Variants in ATP11A observed in about 807,000 individuals in gnomAD.
ATP11A encodes the protein ATPase phospholipid transporting 11A.
In ATP11A, 81 loss-of-function variants were observed where a neutral mutation model predicts 154.4. That is an observed-to-expected ratio of 0.52 (90% CI 0.44 to 0.63). The LOEUF (loss-of-function observed/expected upper bound fraction) is 0.63, where lower values mean the gene tolerates loss of function less well. ATP11A is among the 30% of genes least tolerant of loss of function. The pLI is 0.00. For missense variants in ATP11A, 1,316 were observed against 1,474.3 expected (o/e 0.89, Z 1.76); for synonymous variants, 623 against 585.9 (o/e 1.06, Z -0.91).
At chr13:112,854,152 G>A in intron 18 of ATP11A, 127 bp from the exon 19 acceptor site, 1 of 1,258,180 alleles carries the variant, frequency 7.9e-7, no homozygotes, top group South Asian at 1.4e-5. Flanking sequence ...GAGCCACAGT[G>A]TGGAGTGTTT....
chr13:112,701,621 G>A (rs1009841336), intron 1 of ATP11A, among the ~76,000 whole-genome samples: 35 of 151,160 alleles, frequency 2.3e-4, no homozygotes, highest in African/African-American at 7.5e-4. Context: ...TCACGAGGTC[G>A]GGAGATCGAG....
At position 112,878,272 on chromosome 13, in the gene ATP11A, C is replaced by T. The variant is rs1442641246; in HGVS notation, c.3383C>T (p.Thr1128Ile). 1 of 1,614,220 alleles carries T rather than the reference C, an allele frequency of 6.2e-7. No individual in the cohort carries two copies. The highest frequency in any genetic ancestry group is 8.5e-7 in the Non-Finnish European group (1 of 1,180,044). ...TCAACCATCTTTATGCTTTCTCAGACTTCCAGCAGCCTGAGTTTCTGATGG... is the reference window on the plus strand; with the variant it reads ...TCAACCATCTTTATGCTTTCTCAGATTTCCAGCAGCCTGAGTTTCTGATGG... ...EQSTIFMLSQ[T>I]SSSLSF The change falls in exon 29 of 30, where the codon ACT (threonine) becomes ATT (isoleucine). Residue 1128 changes from threonine to isoleucine, a missense_variant. Thr to Ile is a moderately conservative substitution (Grantham distance 89). This residue lies in a region of ATP11A where 294 missense variants were observed against 290.2 expected (regional missense o/e 1.01). Coordinates refer to ENST00000375645, the MANE Select transcript of ATP11A (RefSeq NM_015205.3).
At chr13:112,759,313 A>G (rs1263612733) in intron 1 of ATP11A, among the ~76,000 whole-genome samples, 1 of 152,216 alleles carries the variant, frequency 6.6e-6, no homozygotes, top group Non-Finnish European at 1.5e-5. Flanking sequence ...GCTCTGAAGC[A>G]GAGGCTCTCA....
Position 112,819,782 on chromosome 13 carries a change from C to T in ATP11A, c.675-118C>T, listed in dbSNP as rs17121722. 1.6e-3 allele frequency: 1,650 copies of T among 1,051,382 alleles called. 13 individuals carry two copies. In the African/African-American group the frequency reaches 0.021, roughly 13 times the overall value. 65.1% of individuals were successfully genotyped at this position (1,051,382 alleles called of 1,614,324 possible). A position where few individuals can be genotyped will look rare whatever the true frequency, so the allele number is the denominator to read the frequency against. ...GGGGCTGGAGCGGGGCTGCTTTAGC[C>T]GCACACGGAGCGGGCCAGGTGAAGA... On this transcript the variant is annotated intron_variant, in intron 7 of 29. Transcript: ENST00000375645.
intron 1 of ATP11A, among the ~76,000 whole-genome samples, chr13:112,713,381 C>A (rs1887986194): frequency 6.6e-6 from 1 of 152,072 alleles, no homozygotes; most frequent in Non-Finnish European, 1.5e-5. Context: ...GGTGACAGAG[C>A]AAGACTCCGT....
intron 6 of ATP11A, among the ~76,000 whole-genome samples, chr13:112,816,912 A>G (rs2078661460): frequency 6.6e-6 from 1 of 152,176 alleles, no homozygotes; most frequent in Non-Finnish European, 1.5e-5. Flanking sequence ...TAGTGTGAAA[A>G]CTGGCCTAGA....
rs1385079663 is a variant in ATP11A at position 112,860,423 on chromosome 13, C to T, written c.2855+9C>T. The T allele has an allele frequency of 1.2e-6, 2 of 1,613,866 alleles. No individual in the cohort carries two copies. The highest frequency in any genetic ancestry group is 1.7e-6 in the Non-Finnish European group (2 of 1,179,940). On this transcript the variant is annotated intron_variant, in intron 24 of 29. Transcript: ENST00000375645. ...GACCCGACCCTGTACAGGTACCATCCTCCAAACAGCCTCTCCTGAGAGCAG... is the reference window on the plus strand; with the variant it reads ...GACCCGACCCTGTACAGGTACCATCTTCCAAACAGCCTCTCCTGAGAGCAG...
chr13:112,693,855 G>C (rs1293432957), intron 1 of ATP11A, among the ~76,000 whole-genome samples: 1 of 152,190 alleles, frequency 6.6e-6, no homozygotes, highest in Non-Finnish European at 1.5e-5. Flanking sequence ...AGAAGGCTGA[G>C]GCAGGAGAAT....
intron 25 of ATP11A, among the ~76,000 whole-genome samples, chr13:112,867,397 C>G (rs1556812): frequency 0.24 from 36,567 of 152,096 alleles, 4,706 homozygotes; most frequent in African/African-American, 0.29. Flanking sequence ...TGAATGTGAA[C>G]GTGCCTCCCA....
chr13:112,760,809 G>A (rs2076945376), intron 1 of ATP11A, among the ~76,000 whole-genome samples: 2 of 152,152 alleles, frequency 1.3e-5, no homozygotes, highest in Non-Finnish European at 2.9e-5. Context: ...ACAGTGGCCC[G>A]GGAAGAATCA....
At chr13:112,728,129 A>G (rs900709312) in intron 1 of ATP11A, among the ~76,000 whole-genome samples, 2 of 152,230 alleles carry the variant, frequency 1.3e-5, no homozygotes, top group African/African-American at 4.8e-5. Context: ...GAAAAAGGCC[A>G]CAGAGAAAAT....
At chr13:112,724,118 C>T (rs1186151414) in intron 1 of ATP11A, among the ~76,000 whole-genome samples, 2 of 134,486 alleles carry the variant, frequency 1.5e-5, no homozygotes, top group Non-Finnish European at 3.2e-5. Flanking sequence ...CCCTTCGCCC[C>T]CTTCTCCCCC....
chr13:112,699,556 GTA>G (rs1566344995), intron 1 of ATP11A, among the ~76,000 whole-genome samples: 1 of 152,238 alleles, frequency 6.6e-6, no homozygotes, highest in African/African-American at 2.4e-5. Context: ...ACTCTGCACC[GTA>G]TAGTGTGTGT....
chr13:112,817,243 A>G (rs1280535735), intron 6 of ATP11A, among the ~76,000 whole-genome samples: 2 of 152,376 alleles, frequency 1.3e-5, no homozygotes, highest in African/African-American at 2.4e-5. Context: ...AATGGTATTT[A>G]GGTAATACGT....
chr13:112,771,512 T>C (rs1269670498), intron 1 of ATP11A, among the ~76,000 whole-genome samples: 2 of 152,216 alleles, frequency 1.3e-5, no homozygotes, highest in East Asian at 3.8e-4. Flanking sequence ...AATCTCTTTT[T>C]TTTCTAGTTT....
In ATP11A at chr13:112,859,311, A is replaced by G; in HGVS notation, c.2668-82A>G. 3.6e-6 allele frequency: 4 copies of G among 1,115,334 alleles called. No individual in the cohort carries two copies. In the South Asian group the frequency reaches 3.7e-5, roughly 10 times the overall value. The allele number at this position is 1,115,334 out of a possible 1,614,324, so 69.1% of individuals were successfully genotyped here. Reference sequence around the variant, plus strand: ...TGGGTGCACGTGGATCCCTCCTCCCATGTGGGGTGGGCCACGTCGGTAGGT... The same window carrying G: ...TGGGTGCACGTGGATCCCTCCTCCCGTGTGGGGTGGGCCACGTCGGTAGGT... On this transcript the variant is annotated intron_variant, in intron 22 of 29. Transcript: ENST00000375645. The surrounding 1 kb of genome is among the most constrained non-coding windows in gnomAD (Gnocchi z 4.3).
chr13:112,873,555 T>TG lies in ATP11A; in HGVS notation c.3058-18_3058-17insG, dbSNP rs759733319. On this transcript the variant is annotated splice_polypyrimidine_tract_variant and intron_variant, in intron 26 of 29. Coordinates refer to ENST00000375645, the MANE Select transcript of ATP11A (RefSeq NM_015205.3). ...GCTCAGATGACACCGTTAACTGCCC[T>TG]TTTTTTTTTCCTTTTAGCTTGCATT... 1 of 1,257,742 alleles carries TG rather than the reference T, an allele frequency of 8.0e-7. No individual in the cohort carries two copies. The highest frequency in any genetic ancestry group is 1.6e-5 in the South Asian group (1 of 64,416). 77.9% of individuals were successfully genotyped at this position (1,257,742 alleles called of 1,614,324 possible). A position where few individuals can be genotyped will look rare whatever the true frequency, so the allele number is the denominator to read the frequency against.
rs1046328410 is a variant in ATP11A at position 112,754,176 on chromosome 13, C to A, written c.40-30959C>A. Reference sequence around the variant, plus strand: ...GCTGCTGAGATGTGAGAAAGGCCTGCGCTGGGGTCTGGGAAATTCGTTTTC... The same window carrying A: ...GCTGCTGAGATGTGAGAAAGGCCTGAGCTGGGGTCTGGGAAATTCGTTTTC... On this transcript the variant is annotated intron_variant, in intron 1 of 29. Coordinates refer to ENST00000375645, the MANE Select transcript of ATP11A (RefSeq NM_015205.3). The surrounding 1 kb of genome is among the most constrained non-coding windows in gnomAD (Gnocchi z 5.3). Among the ~76,000 whole-genome samples the A allele has an allele frequency of 6.6e-6, 1 of 152,210 alleles. No homozygotes were observed. The highest frequency in any genetic ancestry group is 1.9e-4 in the East Asian group (1 of 5,190).
Position 112,805,356 on chromosome 13 carries a change from C to T in ATP11A, c.252+310C>T, listed in dbSNP as rs74115486. ...ACAAGTTCACTGCCAAGCTATGCAT[C>T]GTTACACTTAATTTACTCTTCCTAA... On this transcript the variant is annotated intron_variant, in intron 3 of 29. Transcript: ENST00000375645. 2.3e-3 allele frequency among the ~76,000 whole-genome samples: 357 copies of T among 152,272 alleles called. 2 individuals are homozygous for T. The highest frequency in any genetic ancestry group is 8.2e-3 in the African/African-American group (341 of 41,546).
Sources: allele counts gnomAD v4.1 joint callset (sites outside exome capture counted in the v4.1 genomes callset), GRCh38; gene constraint gnomAD v4.1.1; regional missense constraint gnomAD v4.1.1; non-coding constraint Gnocchi (gnomAD v3.1); transcripts MANE v1.5; gene names NCBI Gene and HGNC (gene_info 2026-07-23, HGNC 2026-07-21).